The following ADAMTSL1 variants were observed in gnomAD, a reference collection of about 807,000 sequenced individuals.
ADAMTSL1 encodes the protein ADAMTS-like protein 1.
ADAMTSL1 carries 126 observed loss-of-function variants against 201.8 expected under a neutral mutation model. The observed-to-expected ratio is 0.62, with a 90% CI of 0.54 to 0.72. ADAMTSL1 has a LOEUF of 0.72. Ranked by LOEUF, ADAMTSL1 falls within the 30% of genes least tolerant of loss-of-function variation. ADAMTSL1 has a pLI of 0.00. For synonymous variants in ADAMTSL1, 1,121 were observed against 903.4 expected (o/e 1.24, Z -4.32); for missense variants, 2,679 against 2,277.8 (o/e 1.18, Z -3.59).
chr9:18,073,919 G>T (rs1823077290), intron 1 of ADAMTSL1, among the ~76,000 whole-genome samples: 1 of 152,134 alleles, frequency 6.6e-6, no homozygotes, highest in Non-Finnish European at 1.5e-5. Context: ...AGGCTAATTT[G>T]CTAAAGGTTG....
intron 1 of ADAMTSL1, among the ~76,000 whole-genome samples, chr9:18,040,015 G>T (rs1416382582): frequency 2.0e-5 from 3 of 152,144 alleles, no homozygotes; most frequent in Non-Finnish European, 4.4e-5. Context: ...TGTGTCTCCA[G>T]GATGGTCCTG....
intron 2 of ADAMTSL1, among the ~76,000 whole-genome samples, chr9:18,327,020 G>C (rs1037178507): frequency 5.3e-5 from 8 of 152,204 alleles, no homozygotes; most frequent in Non-Finnish European, 1.2e-4. Flanking sequence ...TTTAAGATCT[G>C]TTTAGCAAGT....
chr9:18,822,918 A>C (rs776787112), intron 21 of ADAMTSL1, among the ~76,000 whole-genome samples: 1 of 152,214 alleles, frequency 6.6e-6, no homozygotes, highest in Non-Finnish European at 1.5e-5. Context: ...GGAACATTCA[A>C]GGGCTGGTGA....
intron 1 of ADAMTSL1, among the ~76,000 whole-genome samples, chr9:17,960,114 A>G (rs1320343699): frequency 6.6e-6 from 1 of 151,982 alleles, no homozygotes; most frequent in Non-Finnish European, 1.5e-5. Flanking sequence ...CTGTGTTTCC[A>G]TTGTACTATT....
At chr9:18,727,466 C>T (rs920383597) in intron 15 of ADAMTSL1, among the ~76,000 whole-genome samples, 3 of 152,204 alleles carry the variant, frequency 2.0e-5, no homozygotes, top group Non-Finnish European at 2.9e-5. Flanking sequence ...TTCAGATGTA[C>T]TTACACTGTC....
chr9:18,645,586 C>A (rs62549389), intron 7 of ADAMTSL1, among the ~76,000 whole-genome samples: 28,792 of 151,568 alleles, frequency 0.19, 2,907 homozygotes, highest in Non-Finnish European at 0.23. Flanking sequence ...GGAAGGGATC[C>A]AGTTTCAGCT....
intron 2 of ADAMTSL1, among the ~76,000 whole-genome samples, chr9:18,382,119 G>A (rs1411173579): frequency 2.0e-5 from 3 of 152,000 alleles, no homozygotes. Context: ...ATTTTGACCG[G>A]GGGCAGGTAG....
At chr9:18,746,577 T>C (rs558923259) in intron 15 of ADAMTSL1, among the ~76,000 whole-genome samples, 37 of 152,254 alleles carry the variant, frequency 2.4e-4, no homozygotes, top group African/African-American at 8.2e-4. Flanking sequence ...AGAAAAACTT[T>C]GCTGCAAAAG....
chr9:18,892,070 C>T (rs1425453163), intron 25 of ADAMTSL1, among the ~76,000 whole-genome samples: 1 of 152,224 alleles, frequency 6.6e-6, no homozygotes, highest in Non-Finnish European at 1.5e-5. Context: ...ATTGTCTCCT[C>T]CTCCACCTCT....
intron 19 of ADAMTSL1, among the ~76,000 whole-genome samples, chr9:18,783,116 T>C (rs1170612728): frequency 6.6e-6 from 1 of 152,182 alleles, no homozygotes; most frequent in Admixed American, 6.5e-5. Flanking sequence ...TAAGGGGCCA[T>C]TGCAGTAGCC....
At chr9:17,947,611 G>A (rs1022226508) in intron 1 of ADAMTSL1, among the ~76,000 whole-genome samples, 2 of 152,068 alleles carry the variant, frequency 1.3e-5, no homozygotes, top group Admixed American at 1.3e-4. Flanking sequence ...TTAAGACACG[G>A]TGAATTTCCC....
At chr9:18,125,242 A>G (rs537659921) in intron 1 of ADAMTSL1, among the ~76,000 whole-genome samples, 1 of 152,112 alleles carries the variant, frequency 6.6e-6, no homozygotes, top group South Asian at 2.1e-4. Flanking sequence ...AGAGAGCCTG[A>G]GCAGAGAAAC....
intron 2 of ADAMTSL1, among the ~76,000 whole-genome samples, chr9:18,286,298 A>C (rs759830130): frequency 6.6e-6 from 1 of 152,232 alleles, no homozygotes; most frequent in African/African-American, 2.4e-5. Flanking sequence ...AAAGTAGTAC[A>C]TAAAATGTTC....
At chr9:18,571,865 C>T (rs989140811) in intron 3 of ADAMTSL1, among the ~76,000 whole-genome samples, 4 of 152,164 alleles carry the variant, frequency 2.6e-5, no homozygotes, top group Non-Finnish European at 4.4e-5. Context: ...TGCTCTAGAA[C>T]ATATGGTCTG....
chr9:18,208,567 C>T (rs143854497), intron 2 of ADAMTSL1, among the ~76,000 whole-genome samples: 14 of 152,162 alleles, frequency 9.2e-5, no homozygotes, highest in African/African-American at 2.9e-4. Flanking sequence ...CAGTTTTAAG[C>T]GCTTCATAAA....
At chr9:18,900,738 A>C (rs1254554185) in intron 26 of ADAMTSL1, among the ~76,000 whole-genome samples, 1 of 139,366 alleles carries the variant, frequency 7.2e-6, no homozygotes, top group Non-Finnish European at 1.5e-5. Context: ...ACACATGGAC[A>C]CACTGGGGGG....
chr9:18,087,935 A>G (rs951573242), intron 1 of ADAMTSL1, among the ~76,000 whole-genome samples: 4 of 152,092 alleles, frequency 2.6e-5, no homozygotes, highest in African/African-American at 9.7e-5. Context: ...TCCACACCTG[A>G]TATCTTTGGG....
At chr9:17,914,520 C>T (rs539036672) in intron 1 of ADAMTSL1, among the ~76,000 whole-genome samples, 11 of 152,056 alleles carry the variant, frequency 7.2e-5, no homozygotes, top group Non-Finnish European at 1.2e-4. Flanking sequence ...TGGGACGTAT[C>T]TCAAAATAAT....
intron 2 of ADAMTSL1, among the ~76,000 whole-genome samples, chr9:18,313,739 A>T (rs1415318808): frequency 6.6e-6 from 1 of 152,148 alleles, no homozygotes; most frequent in African/African-American, 2.4e-5. Flanking sequence ...TTCCTAGAGG[A>T]AAGTATAGGG....
Sources: allele counts gnomAD v4.1 joint callset (sites outside exome capture counted in the v4.1 genomes callset), GRCh38; gene constraint gnomAD v4.1.1; transcripts MANE v1.5; gene names NCBI Gene and HGNC (gene_info 2026-07-23, HGNC 2026-07-21).